GLRA3: variants seen among roughly 807,000 people sequenced by gnomAD.
GLRA3 encodes glycine receptor alpha 3.
Under a neutral mutation model 60.4 loss-of-function variants are expected in GLRA3, and 44 were observed. That is an observed-to-expected ratio of 0.73 (90% CI 0.57 to 0.94). The LOEUF (loss-of-function observed/expected upper bound fraction) is 0.94, where lower values mean the gene tolerates loss of function less well. Ranked by LOEUF, GLRA3 falls within the 40% of genes least tolerant of loss-of-function variation. GLRA3 has a pLI of 0.00. For synonymous variants in GLRA3, 223 were observed against 192.9 expected (o/e 1.16, Z -1.29); for missense variants, 508 against 564.6 (o/e 0.90, Z 1.02).
In GLRA3 at chr4:174,656,742, C is replaced by T; in HGVS notation, c.1116+1G>A. 1 of 1,539,398 alleles carries T rather than the reference C, an allele frequency of 6.5e-7. No homozygotes were observed. Among genetic ancestry groups the T allele is most frequent in the Non-Finnish European group, 9.0e-7 (1 of 1,112,496 alleles). The stretch of plus-strand genomic sequence containing the variant: ...ATTTAGAGTTAAGAAAGTCAATTTA[C>T]CATATCTGAGAAACGGTAAAACTTC... On this transcript the variant is annotated splice_donor_variant, in intron 9 of 9. Transcript: ENST00000274093. LOFTEE classifies it high-confidence loss of function.
intron 5 of GLRA3, among the ~76,000 whole-genome samples, chr4:174,688,830 A>G (rs1171782658): frequency 6.6e-6 from 1 of 152,142 alleles, no homozygotes; most frequent in Non-Finnish European, 1.5e-5. Flanking sequence ...CAGAGAGGGA[A>G]TATGTAAATG....
At position 174,709,449 on chromosome 4, in the gene GLRA3, A is replaced by G. The variant is rs1033755013; in HGVS notation, c.574+6039T>C. Among the ~76,000 whole-genome samples the G allele has an allele frequency of 3.3e-5, 5 of 152,046 alleles. No homozygotes were observed. The East Asian group carries it at 5.8e-4, about 18-fold the overall frequency. The stretch of plus-strand genomic sequence containing the variant: ...AATAAAGTGTGAATTTTGGATATGC[A>G]TATTGTCATGGGAACTGGCCTGTGT... On this transcript the variant is annotated intron_variant, in intron 5 of 9. Transcript: ENST00000274093.
At chr4:174,774,332 GA>G (rs1738507117) in intron 2 of GLRA3, among the ~76,000 whole-genome samples, 1 of 151,870 alleles carries the variant, frequency 6.6e-6, no homozygotes, top group South Asian at 2.1e-4. Flanking sequence ...AAGTATAGAA[GA>G]AAATCGATGT....
chr4:174,781,958 C>A lies in GLRA3; in HGVS notation c.199+6858G>T, dbSNP rs1738894478. Reference sequence around the variant, plus strand: ...TAGAAAAAGAGGGAATCCTTCCTAACTCATTTTATGAGGCCAGCATCATTC... The same window carrying A: ...TAGAAAAAGAGGGAATCCTTCCTAAATCATTTTATGAGGCCAGCATCATTC... On this transcript the variant is annotated intron_variant, in intron 2 of 9. Transcript: ENST00000274093. Among the ~76,000 whole-genome samples the A allele has an allele frequency of 2.0e-5, 3 of 151,812 alleles. No individual in the cohort carries two copies. In the South Asian group the frequency reaches 6.3e-4, roughly 32 times the overall value.
At chr4:174,650,169 G>A (rs1441382245) in intron 9 of GLRA3, among the ~76,000 whole-genome samples, 1 of 152,058 alleles carries the variant, frequency 6.6e-6, no homozygotes, top group East Asian at 1.9e-4. Context: ...CAAACATTAA[G>A]GGACAAACTG....
rs1737750732 is a variant in GLRA3 at position 174,757,161 on chromosome 4, G to A, written c.267+9802C>T. On this transcript the variant is annotated intron_variant, in intron 3 of 9. Coordinates refer to ENST00000274093, the MANE Select transcript of GLRA3 (RefSeq NM_006529.4). Reference sequence around the variant, plus strand: ...AATACAAAAAATTGGAAAAGTACTAGAACTATTGAATTAAGTTATCAAGTT... The same window carrying A: ...AATACAAAAAATTGGAAAAGTACTAAAACTATTGAATTAAGTTATCAAGTT... 5.9e-5 allele frequency among the ~76,000 whole-genome samples: 9 copies of A among 152,220 alleles called. No homozygotes were observed. The South Asian group carries it at 1.9e-3, about 32-fold the overall frequency.
intron 3 of GLRA3, among the ~76,000 whole-genome samples, chr4:174,757,224 A>G (rs1485795316): frequency 1.3e-5 from 2 of 152,162 alleles, no homozygotes; most frequent in South Asian, 2.1e-4. Context: ...TTGTTTGCCC[A>G]TATATTAATT....
At chr4:174,773,861 T>A (rs1225472334) in intron 2 of GLRA3, among the ~76,000 whole-genome samples, 3 of 152,136 alleles carry the variant, frequency 2.0e-5, no homozygotes, top group Admixed American at 6.5e-5. Context: ...GCTTAAGTGC[T>A]GGGATGGCTG....
rs542505516 is a variant in GLRA3, at chr4:174,664,651, G to A, written c.928-5454C>T. Among the ~76,000 whole-genome samples the A allele has an allele frequency of 9.7e-4, 147 of 152,198 alleles. 2 individuals are homozygous for A. Among genetic ancestry groups the A allele is most frequent in the African/African-American group, 3.4e-3 (142 of 41,530 alleles). ...CCACAGTGTGTCCTAGTCCCTCAGCGATATCCTTGACACAACAGTTAGTGA... is the reference window on the plus strand; with the variant it reads ...CCACAGTGTGTCCTAGTCCCTCAGCAATATCCTTGACACAACAGTTAGTGA... On this transcript the variant is annotated intron_variant, in intron 7 of 9. Coordinates refer to ENST00000274093, the MANE Select transcript of GLRA3 (RefSeq NM_006529.4).
At chr4:174,814,527 T>C (rs1206390680) in intron 1 of GLRA3, among the ~76,000 whole-genome samples, 2 of 152,206 alleles carry the variant, frequency 1.3e-5, no homozygotes, top group Non-Finnish European at 2.9e-5. Flanking sequence ...TTCATTTTCA[T>C]GCTGATCATA....
At chr4:174,789,796 G>A (rs1277901040) in intron 1 of GLRA3, among the ~76,000 whole-genome samples, 1 of 152,186 alleles carries the variant, frequency 6.6e-6, no homozygotes, top group Non-Finnish European at 1.5e-5. Context: ...GCTCAGGAAA[G>A]TGACACTGAC....
At chr4:174,670,684 T>A (rs1733870862) in intron 7 of GLRA3, among the ~76,000 whole-genome samples, 1 of 152,168 alleles carries the variant, frequency 6.6e-6, no homozygotes, top group African/African-American at 2.4e-5. Flanking sequence ...TGTCTCTATC[T>A]CAAGTACAGA....
At chr4:174,714,184 C>A (rs1016147029) in intron 5 of GLRA3, among the ~76,000 whole-genome samples, 23 of 152,268 alleles carry the variant, frequency 1.5e-4, no homozygotes, top group African/African-American at 5.5e-4. Context: ...CAGCAAGGAC[C>A]AAACAATTTT....
chr4:174,664,972 T>C (rs1286939953), intron 7 of GLRA3, among the ~76,000 whole-genome samples: 1 of 152,050 alleles, frequency 6.6e-6, no homozygotes, highest in Non-Finnish European at 1.5e-5. Context: ...TAGAAAAACA[T>C]ACAATAAAAG....
chr4:174,782,435 C>A (rs990207428), intron 2 of GLRA3, among the ~76,000 whole-genome samples: 5 of 149,410 alleles, frequency 3.3e-5, no homozygotes, highest in African/African-American at 9.8e-5. Context: ...TCTCACCACT[C>A]CTATTCAACA....
chr4:174,676,963 C>A, intron 7 of GLRA3, 115 bp downstream of exon 7: 2 of 643,282 alleles, frequency 3.1e-6, no homozygotes, highest in Admixed American at 2.6e-5. Flanking sequence ...ACTTTAAAAA[C>A]CAGTAATGCC....
At chr4:174,648,281 C>T (rs1177483426) in intron 9 of GLRA3, among the ~76,000 whole-genome samples, 8 of 151,904 alleles carry the variant, frequency 5.3e-5, no homozygotes, top group African/African-American at 9.7e-5. Context: ...GCCAAGATGG[C>T]GAAACCCTGT....
At chr4:174,715,083 C>T (rs566117783) in intron 5 of GLRA3, among the ~76,000 whole-genome samples, 1 of 152,180 alleles carries the variant, frequency 6.6e-6, no homozygotes, top group Admixed American at 6.5e-5. Flanking sequence ...TTCAACATGA[C>T]CACTTTCACA....
chr4:174,798,692 A>G (rs1667690752), intron 1 of GLRA3, among the ~76,000 whole-genome samples: 1 of 152,244 alleles, frequency 6.6e-6, no homozygotes, highest in Non-Finnish European at 1.5e-5. Flanking sequence ...TGGGAGGCCA[A>G]GGCGGGCGGA....
Sources: allele counts gnomAD v4.1 joint callset (sites outside exome capture counted in the v4.1 genomes callset), GRCh38; gene constraint gnomAD v4.1.1; transcripts MANE v1.5; gene names NCBI Gene and HGNC (gene_info 2026-07-23, HGNC 2026-07-21).